CPA5: variants seen among roughly 807,000 people sequenced by gnomAD.
CPA5 encodes testicular tissue protein Li 32.
A neutral mutation model predicts 52.2 loss-of-function variants in CPA5; 38 were observed. The observed-to-expected ratio is 0.73, with a 90% CI of 0.56 to 0.95. The LOEUF is 0.95. Ranked by LOEUF, CPA5 falls within the 40% of genes least tolerant of loss-of-function variation. The probability of loss-of-function intolerance (pLI) is 0.00; values close to 1 mark genes in which losing one functional copy is unlikely to be tolerated. For missense variants in CPA5, 519 were observed against 566.7 expected (o/e 0.92, Z 0.86); for synonymous variants, 198 against 213.7 (o/e 0.93, Z 0.64).
At chr7:130,369,509 G>A (rs1343817872), downstream of CPA5, among the ~76,000 whole-genome samples, 1 of 152,222 alleles carries the variant, frequency 6.6e-6, no homozygotes, top group African/African-American at 2.4e-5. Flanking sequence ...CTGCCCTCAG[G>A]AAGGCAGATA....
intron 5 of CPA5, 48 bp downstream of exon 5, chr7:130,350,157 G>C: frequency 1.9e-6 from 3 of 1,582,738 alleles, no homozygotes; most frequent in Non-Finnish European, 2.6e-6. Context: ...TTCCTTTCTG[G>C]TTGGGGCCCA....
chr7:130,349,652 A>T (rs4731683), intron 4 of CPA5, among the ~76,000 whole-genome samples: 23,605 of 146,692 alleles, frequency 0.16, 2,099 homozygotes, highest in African/African-American at 0.24. Flanking sequence ...TGTGATCATT[A>T]CACATTGTAT....
At chr7:130,357,949 CCT>C (rs1491554379) in intron 5 of CPA5, among the ~76,000 whole-genome samples, 95 of 70,706 alleles carry the variant, frequency 1.3e-3, no homozygotes, top group Admixed American at 2.3e-3. Flanking sequence ...TGTTTTTGTG[CCT>C]CTGTGTGTGT....
chr7:130,367,190 A>C (rs1158459446), intron 10 of CPA5, among the ~76,000 whole-genome samples, 182 bp from the exon 11 acceptor site: 1 of 152,130 alleles, frequency 6.6e-6, no homozygotes, highest in Non-Finnish European at 1.5e-5. Flanking sequence ...GCTCTTAACA[A>C]TCTCAACCCA....
rs782776616 is a variant in CPA5 at position 130,368,582 on chromosome 7, G to C, written c.1296G>C (p.Leu432=). Residue 432 remains leucine (L), a synonymous_variant, in exon 13 of 13, where the codon CTG becomes CTC. Coordinates refer to ENST00000474905, the MANE Select transcript of CPA5 (RefSeq NM_080385.5). ...TTCGGACCATCATGGAGCACACCCT[G>C]AATCACCCCTACTAGCAGCACGACT... ...MALRTIMEHT[L]NHPY The C allele has an allele frequency of 1.2e-6, 2 of 1,614,036 alleles. No individual in the cohort carries two copies. Among genetic ancestry groups the C allele is most frequent in the East Asian group, 4.5e-5 (2 of 44,864 alleles).
chr7:130,363,394 G>A, intron 9 of CPA5, 25 bp from the exon 10 acceptor site: 3 of 1,550,782 alleles, frequency 1.9e-6, no homozygotes, highest in Non-Finnish European at 2.6e-6. Flanking sequence ...CAGTGAATGA[G>A]GTCACCTGTC....
intron 10 of CPA5, among the ~76,000 whole-genome samples, 188 bp from the exon 11 acceptor site, chr7:130,367,184 T>C (rs2117464453): frequency 6.6e-6 from 1 of 152,266 alleles, no homozygotes; most frequent in East Asian, 1.9e-4. Flanking sequence ...ACACTTGCTC[T>C]TAACAATCTC....
At position 130,359,543 on chromosome 7, in the gene CPA5, G is replaced by A. The variant is rs782045523; in HGVS notation, c.334-46G>A. ...GCAGGGCTCAGAAGAGGCATAGCCAGCCCAGCTCTCCCCTTCCTTTCCAAT... is the reference window on the plus strand; with the variant it reads ...GCAGGGCTCAGAAGAGGCATAGCCAACCCAGCTCTCCCCTTCCTTTCCAAT... On this transcript the variant is annotated intron_variant, in intron 5 of 12. Transcript: ENST00000474905. 105 of 1,441,058 alleles carry A rather than the reference G, an allele frequency of 7.3e-5. No individual in the cohort carries two copies. In the Admixed American group the frequency reaches 1.9e-3, roughly 27 times the overall value. 89.3% of individuals were successfully genotyped at this position (1,441,058 alleles called of 1,614,324 possible). A position where few individuals can be genotyped will look rare whatever the true frequency, so the allele number is the denominator to read the frequency against.
intron 2 of CPA5, 46 bp downstream of exon 2, chr7:130,345,942 C>T (rs1249593734): frequency 1.3e-5 from 2 of 152,224 alleles, no homozygotes; most frequent in African/African-American, 4.8e-5. Context: ...GATGAGTAAA[C>T]TGAGATTTAG....
chr7:130,353,775 T>C (rs1795319415), intron 5 of CPA5, among the ~76,000 whole-genome samples: 2 of 152,200 alleles, frequency 1.3e-5, no homozygotes, highest in African/African-American at 2.4e-5. Context: ...TTCTCCACCT[T>C]GATTCCTTAT....
intron 5 of CPA5, among the ~76,000 whole-genome samples, chr7:130,355,797 G>T (rs1795444542): frequency 2.6e-5 from 4 of 152,224 alleles, no homozygotes. Flanking sequence ...AGAGATGTTA[G>T]TAATTTGATG....
intron 10 of CPA5, among the ~76,000 whole-genome samples, chr7:130,366,895 G>T (rs1339838535): frequency 6.6e-6 from 1 of 152,226 alleles, no homozygotes; most frequent in Non-Finnish European, 1.5e-5. Context: ...GACAAGCCGA[G>T]GGGGCTCCCT....
rs1554403572 is a variant in CPA5 at position 130,350,127 on chromosome 7, C to G, written c.333+18C>G. On this transcript the variant is annotated intron_variant, in intron 5 of 12. Coordinates refer to ENST00000474905, the MANE Select transcript of CPA5 (RefSeq NM_080385.5). The stretch of plus-strand genomic sequence containing the variant: ...ACATCCAGGTGAAGCCCTGCCCCAG[C>G]TGGGACCCTGCCTTCCGCCTTCCTT... The G allele has an allele frequency of 6.2e-7, 1 of 1,603,710 alleles. No homozygotes were observed. Among genetic ancestry groups the G allele is most frequent in the East Asian group, 2.2e-5 (1 of 44,464 alleles).
chr7:130,367,015 T>C (rs782336581), intron 10 of CPA5, among the ~76,000 whole-genome samples: 2 of 152,166 alleles, frequency 1.3e-5, no homozygotes, highest in Non-Finnish European at 2.9e-5. Flanking sequence ...TTTAACACAA[T>C]GAAAGTTTGT....
intron 3 of CPA5, 112 bp downstream of exon 3, chr7:130,346,713 G>A (rs1361312212): frequency 4.9e-6 from 4 of 821,466 alleles, no homozygotes; most frequent in African/African-American, 3.3e-5. Context: ...GAGTCAGGAT[G>A]TGGGTTCCTG....
intron 5 of CPA5, among the ~76,000 whole-genome samples, chr7:130,350,682 A>G (rs1795081334): frequency 6.6e-6 from 1 of 152,218 alleles, no homozygotes; most frequent in African/African-American, 2.4e-5. Flanking sequence ...CTTTGGGAGA[A>G]GCAGCTACAG....
At chr7:130,349,424 T>C (rs1477404958) in intron 4 of CPA5, among the ~76,000 whole-genome samples, 1 of 151,246 alleles carries the variant, frequency 6.6e-6, no homozygotes, top group Non-Finnish European at 1.5e-5. Context: ...AAACTCCATC[T>C]CAAAAAAAAA....
At chr7:130,364,785 C>T (rs1168080795) in intron 10 of CPA5, among the ~76,000 whole-genome samples, 2 of 152,200 alleles carry the variant, frequency 1.3e-5, no homozygotes, top group East Asian at 3.8e-4. Flanking sequence ...GGTGTTCTTC[C>T]CTGATTATCT....
At chr7:130,352,675 C>CCACCCTGA (rs1554404259) in intron 5 of CPA5, among the ~76,000 whole-genome samples, 1 of 152,106 alleles carries the variant, frequency 6.6e-6, no homozygotes, top group Non-Finnish European at 1.5e-5. Flanking sequence ...TTCAGAAACA[C>CCACCCTGA]CACCCTGACA....
Sources: gnomAD v4.1 joint callset for allele counts (sites outside exome capture counted in the v4.1 genomes callset) on GRCh38, gnomAD v4.1.1 for gene constraint, MANE v1.5 for transcripts, NCBI Gene and HGNC (gene_info 2026-07-23, HGNC 2026-07-21) for gene names.